The following ICE2 variants were observed in gnomAD, a reference collection of about 807,000 sequenced individuals.
ICE2 encodes interactor of little elongation complex ELL subunit 2, also known as little elongation complex subunit 2.
A neutral mutation model predicts 105.4 loss-of-function variants in ICE2; 87 were observed. The ratio of observed to expected loss-of-function variants is 0.83; its 90% CI spans 0.69 to 0.99. ICE2 has a LOEUF of 0.99. Ranked by LOEUF, ICE2 falls within the 50% of genes least tolerant of loss-of-function variation. ICE2 has a pLI of 0.00. For synonymous variants in ICE2, 399 were observed against 392.0 expected (o/e 1.02, Z -0.21); for missense variants, 1,323 against 1,146.7 (o/e 1.15, Z -2.22).
intron 11 of ICE2, among the ~76,000 whole-genome samples, chr15:60,447,014 C>T (rs144358168): frequency 2.8e-4 from 42 of 151,674 alleles, no homozygotes; most frequent in Admixed American, 5.9e-4. Context: ...GTCATACACA[C>T]AAAAAAATGC....
intron 5 of ICE2, among the ~76,000 whole-genome samples, chr15:60,464,827 G>T (rs1043161240): frequency 6.6e-6 from 1 of 152,126 alleles, no homozygotes; most frequent in African/African-American, 2.4e-5. Flanking sequence ...GACCAGCCTG[G>T]TGAACACAGG....
At chr15:60,452,399 G>T in intron 9 of ICE2, 1 of 375,690 alleles carries the variant, frequency 2.7e-6, no homozygotes, top group Non-Finnish European at 3.7e-6. Context: ...CTTCTTAATC[G>T]TGAATATAAA....
intron 14 of ICE2, 126 bp from the exon 15 acceptor site, chr15:60,428,813 T>C (rs1163246516): frequency 3.2e-6 from 3 of 942,456 alleles, no homozygotes; most frequent in African/African-American, 1.6e-5. Context: ...AAAAATACTT[T>C]TATGACAAAA....
In ICE2 at chr15:60,430,974, C is replaced by T. The variant is rs533614866; in HGVS notation, c.2561+960G>A. The stretch of plus-strand genomic sequence containing the variant: ...GCAATCTCTGCCTCCCGGGTTCAAG[C>T]GATTCTGCTGCCTCAGCCTCCTGAG... On this transcript the variant is annotated intron_variant, in intron 14 of 15. Coordinates refer to ENST00000261520, the MANE Select transcript of ICE2 (RefSeq NM_024611.6). Among the ~76,000 whole-genome samples the T allele has an allele frequency of 2.0e-4, 31 of 152,104 alleles. No homozygotes were observed. The East Asian group carries it at 5.6e-3, about 28-fold the overall frequency.
chr15:60,424,036 G>C (rs2063285397), intron 15 of ICE2, among the ~76,000 whole-genome samples: 1 of 152,078 alleles, frequency 6.6e-6, no homozygotes. Flanking sequence ...ATTTATTAGA[G>C]GTTGAAAAGA....
chr15:60,429,183 G>A (rs575256469), intron 14 of ICE2, among the ~76,000 whole-genome samples: 78 of 152,298 alleles, frequency 5.1e-4, no homozygotes, highest in African/African-American at 1.7e-3. Flanking sequence ...TACAACATGA[G>A]GTGCTATGAG....
Position 60,476,983 on chromosome 15 carries a change from T to G in ICE2, c.42-816A>C, listed in dbSNP as rs192415480. Among the ~76,000 whole-genome samples, 17 of 152,368 alleles carry G rather than the reference T, an allele frequency of 1.1e-4. 1 individual carries two copies. In the East Asian group the frequency reaches 3.1e-3, roughly 28 times the overall value. On this transcript the variant is annotated intron_variant, in intron 2 of 15. Transcript: ENST00000261520. Reference sequence around the variant, plus strand: ...CATACTTTATAGCACTGGCAAGGAATGCAAATGTGCATACCTCTTACCTAA... The same window carrying G: ...CATACTTTATAGCACTGGCAAGGAAGGCAAATGTGCATACCTCTTACCTAA...
chr15:60,431,229 G>C (rs1485332649), intron 14 of ICE2, among the ~76,000 whole-genome samples: 1 of 151,782 alleles, frequency 6.6e-6, no homozygotes, highest in Non-Finnish European at 1.5e-5. Flanking sequence ...AGCTATGGTG[G>C]GCTGAATAAT....
At chr15:60,451,501 C>A in intron 9 of ICE2, 1 of 984,920 alleles carries the variant, frequency 1.0e-6, no homozygotes, top group Non-Finnish European at 1.2e-6. Context: ...TGTTGGACCA[C>A]AGAAATCAAA....
At chr15:60,463,657 C>T (rs1280859587) in intron 5 of ICE2, among the ~76,000 whole-genome samples, 7 of 152,188 alleles carry the variant, frequency 4.6e-5, no homozygotes, top group Non-Finnish European at 8.8e-5. Context: ...CCTGTAATCC[C>T]AGCTACTTGG....
chr15:60,463,593 T>C lies in ICE2; in HGVS notation c.528+3001A>G, dbSNP rs183103737. ...TTCGAGACCAGCCTGGCCAATACGG[T>C]GAAACCCCATTTCTACTAAAAACAC... On this transcript the variant is annotated intron_variant, in intron 5 of 15. Coordinates refer to ENST00000261520, the MANE Select transcript of ICE2 (RefSeq NM_024611.6). Among the ~76,000 whole-genome samples, 223 of 152,166 alleles carry C rather than the reference T, an allele frequency of 1.5e-3. 2 individuals are homozygous for C. Among genetic ancestry groups the C allele is most frequent in the African/African-American group, 5.2e-3 (214 of 41,526 alleles).
rs765501491 is a variant in ICE2 at position 60,466,608 on chromosome 15, G to A, written c.514C>T (p.Arg172Cys). 2.5e-5 allele frequency: 41 copies of A among 1,610,672 alleles called. No homozygotes were observed. The highest frequency in any genetic ancestry group is 3.5e-5 in the Non-Finnish European group (41 of 1,179,514). The stretch of plus-strand genomic sequence containing the variant: ...TGTTTTTTTACCTCTGTGAAGAGAC[G>A]GGCATCATCAGAAAGCATATTATAA... ...QDYNMLSDDA[R>C]LFTEKILRAC... The change falls in exon 5 of 16, where the codon CGT becomes TGT. Residue 172 changes from arginine (R) to cysteine (C), a missense_variant. Coordinates refer to ENST00000261520, the MANE Select transcript of ICE2 (RefSeq NM_024611.6).
chr15:60,430,471 T>C (rs1321239591), intron 14 of ICE2, among the ~76,000 whole-genome samples: 1 of 138,838 alleles, frequency 7.2e-6, no homozygotes, highest in African/African-American at 2.6e-5. Context: ...AGCCACAATA[T>C]AAAGCTAACA....
At chr15:60,432,121 G>A in intron 13 of ICE2, 137 bp from the exon 14 acceptor site, 1 of 306,028 alleles carries the variant, frequency 3.3e-6, no homozygotes, top group Non-Finnish European at 6.1e-6. Flanking sequence ...CAAAAAATCT[G>A]AAACTTATTT....
chr15:60,478,100 G>A (rs1020831882), intron 1 of ICE2, 31 bp from the exon 2 acceptor site: 2 of 849,032 alleles, frequency 2.4e-6, no homozygotes, highest in Non-Finnish European at 4.0e-6. Flanking sequence ...AAGATCAAAA[G>A]CAAGTGATTG....
chr15:60,424,545 C>T (rs1461327801), intron 15 of ICE2, among the ~76,000 whole-genome samples: 1 of 151,466 alleles, frequency 6.6e-6, no homozygotes, highest in Non-Finnish European at 1.5e-5. Context: ...CTCGCTCTGT[C>T]ACCCAGGCTG....
At chr15:60,442,370 T>C in intron 12 of ICE2, 46 bp downstream of exon 12, 1 of 1,510,342 alleles carries the variant, frequency 6.6e-7, no homozygotes, top group Non-Finnish European at 9.0e-7. Flanking sequence ...AAGTATGTAA[T>C]TACAAGAAAA....
At position 60,459,406 on chromosome 15, in the gene ICE2, G is replaced by A. The variant is rs142974469; in HGVS notation, c.529-2612C>T. On this transcript the variant is annotated intron_variant, in intron 5 of 15. Transcript: ENST00000261520. ...AAGGTAACTGCCAACTTTGAATTGC[G>A]TATGAAATACAATGATCTTACTAAA... 4.2e-3 allele frequency among the ~76,000 whole-genome samples: 632 copies of A among 152,228 alleles called. 6 individuals carry two copies. Among genetic ancestry groups the A allele is most frequent in the African/African-American group, 0.014 (602 of 41,546 alleles).
intron 14 of ICE2, among the ~76,000 whole-genome samples, chr15:60,429,359 C>T (rs1309694660): frequency 1.3e-5 from 2 of 152,110 alleles, no homozygotes; most frequent in African/African-American, 4.8e-5. Flanking sequence ...GCAATTTGCC[C>T]AAAGTTGTGA....
Sources: allele counts gnomAD v4.1 joint callset (sites outside exome capture counted in the v4.1 genomes callset), GRCh38; gene constraint gnomAD v4.1.1; transcripts MANE v1.5; gene names NCBI Gene and HGNC (gene_info 2026-07-23, HGNC 2026-07-21).